Variants in TMEM150A observed in about 807,000 individuals in gnomAD.
The protein encoded by TMEM150A is fasting-inducible integral membrane protein TM6P1.
In TMEM150A, 18 loss-of-function variants were observed where a neutral mutation model predicts 29.8. That is an observed-to-expected ratio of 0.60 (90% CI 0.42 to 0.90). The LOEUF (loss-of-function observed/expected upper bound fraction) is 0.90. Ranked by LOEUF, TMEM150A falls within the 40% of genes least tolerant of loss-of-function variation. The probability of loss-of-function intolerance (pLI) is 0.00; values close to 1 mark genes in which losing one functional copy is unlikely to be tolerated. For synonymous variants in TMEM150A, 127 were observed against 143.6 expected (o/e 0.88, Z 0.83); for missense variants, 251 against 349.7 (o/e 0.72, Z 2.25).
In TMEM150A at chr2:85,600,117, TGA is replaced by T. The variant is rs138351398; in HGVS notation, c.269-101_269-100del. 1,410 of 1,494,300 alleles carry T rather than the reference TGA, an allele frequency of 9.4e-4. 13 individuals carry two copies. The African/African-American group carries it at 0.018, about 19-fold the overall frequency. The allele number at this position is 1,494,300 out of a possible 1,614,324, so 92.6% of individuals were successfully genotyped here. On this transcript the variant is annotated intron_variant, in intron 5 of 7. Transcript: ENST00000334462. ...GACGCTGTGGTGCTCCTGCCCCTTC[TGA>T]GGGGCAGAAAGGAACAGACAGGCGG...
Position 85,601,816 on chromosome 2 carries a change from G to T in TMEM150A, c.65+68C>A. The T allele has an allele frequency of 6.4e-7, 1 of 1,570,384 alleles. No homozygotes were observed. Among genetic ancestry groups the T allele is most frequent in the South Asian group, 1.1e-5 (1 of 89,042 alleles). On this transcript the variant is annotated intron_variant, in intron 2 of 7. Coordinates refer to ENST00000334462, the MANE Select transcript of TMEM150A (RefSeq NM_001031738.3). This position sits in a 1 kb window ranked among gnomAD's most constrained non-coding sequence, Gnocchi z 4.0. ...TGACCCTGGGTACCACCGTGGCTAT[G>T]ACAGGACAAGAGACTTTGTGTGCGT...
chr2:85,600,532 T>G, intron 4 of TMEM150A, 120 bp from the exon 5 acceptor site: 1 of 720,058 alleles, frequency 1.4e-6, no homozygotes, highest in Non-Finnish European at 2.5e-6. Context: ...AGGCCACTGA[T>G]TTATGTGAAG....
Position 85,598,922 on chromosome 2 carries a change from G to T in TMEM150A, c.*154C>A. The stretch of plus-strand genomic sequence containing the variant: ...AGCTGGCAGGGCCCACTCCTCCATG[G>T]CACAGGTGGGCATGGGATGGCCACT... On this transcript the variant is annotated 3_prime_UTR_variant, in exon 8 of 8. Coordinates refer to ENST00000334462, the MANE Select transcript of TMEM150A (RefSeq NM_001031738.3). 1 of 1,131,290 alleles carries T rather than the reference G, an allele frequency of 8.8e-7. No individual in the cohort carries two copies. Among genetic ancestry groups the T allele is most frequent in the Non-Finnish European group, 1.2e-6 (1 of 816,338 alleles). The allele number at this position is 1,131,290 out of a possible 1,614,324, so 70.1% of individuals were successfully genotyped here.
rs1188188473 is a variant in TMEM150A, at chr2:85,600,037, G to C, written c.269-19C>G. ...AGGGCCACTGGGGGAGGAGAGCACA[G>C]TTGAGGCCTTCCTCCAGCCCTGGCC... On this transcript the variant is annotated intron_variant, in intron 5 of 7. Transcript: ENST00000334462. 1 of 1,610,602 alleles carries C rather than the reference G, an allele frequency of 6.2e-7. No homozygotes were observed. The highest frequency in any genetic ancestry group is 1.7e-5 in the Admixed American group (1 of 60,016).
Position 85,601,549 on chromosome 2 carries a change from C to T in TMEM150A, c.66-67G>A. ...CCACTCAACCCACCCCATGACCCTT[C>T]TCTTCAACCTTGATTTCTGGCCCCA... On this transcript the variant is annotated intron_variant, in intron 2 of 7. Coordinates refer to ENST00000334462, the MANE Select transcript of TMEM150A (RefSeq NM_001031738.3). The surrounding 1 kb of genome is among the most constrained non-coding windows in gnomAD (Gnocchi z 4.0). 1.9e-6 allele frequency: 3 copies of T among 1,551,538 alleles called. No homozygotes were observed. Among genetic ancestry groups the T allele is most frequent in the South Asian group, 1.1e-5 (1 of 87,736 alleles).
At position 85,599,033 on chromosome 2, in the gene TMEM150A, G is replaced by T; in HGVS notation, c.*43C>A. ...CGAAATAAATGGAAAGAAGATATGGGGTGGGGTGCTGTGGAGGCCGGGCCA... is the reference window on the plus strand; with the variant it reads ...CGAAATAAATGGAAAGAAGATATGGTGTGGGGTGCTGTGGAGGCCGGGCCA... On this transcript the variant is annotated 3_prime_UTR_variant, in exon 8 of 8. Transcript: ENST00000334462. This position sits in a 1 kb window ranked among gnomAD's most constrained non-coding sequence, Gnocchi z 6.0. 1 of 1,593,936 alleles carries T rather than the reference G, an allele frequency of 6.3e-7. No individual in the cohort carries two copies. Among genetic ancestry groups the T allele is most frequent in the Non-Finnish European group, 8.6e-7 (1 of 1,166,156 alleles).
In TMEM150A at chr2:85,601,985, G is replaced by C. The variant is rs763944852; in HGVS notation, c.-37C>G. On this transcript the variant is annotated 5_prime_UTR_variant, in exon 2 of 8. Transcript: ENST00000334462. This position sits in a 1 kb window ranked among gnomAD's most constrained non-coding sequence, Gnocchi z 4.0. ...GCCAGGGTGGTGGTGGTGTTGGGGG[G>C]AGGACAAGAGGTAGATGGGGAAGTG... is the stretch of plus-strand genomic sequence containing the variant. The C allele has an allele frequency of 6.2e-7, 1 of 1,605,938 alleles. No homozygotes were observed. Among genetic ancestry groups the C allele is most frequent in the South Asian group, 1.1e-5 (1 of 90,854 alleles).
At position 85,599,783 on chromosome 2, in the gene TMEM150A, C is replaced by G. The variant is rs1672825892; in HGVS notation, c.397-81G>C. The G allele has an allele frequency of 3.8e-6, 6 of 1,597,398 alleles. No individual in the cohort carries two copies. The highest frequency in any genetic ancestry group is 2.6e-6 in the Non-Finnish European group (3 of 1,170,960). The stretch of plus-strand genomic sequence containing the variant: ...CTCCTTCAATGAATCTCCTCTCTCC[C>G]TCTTCCTTCCTCTCCCTCTTTCCAG... On this transcript the variant is annotated intron_variant, in intron 6 of 7. Transcript: ENST00000334462. This position sits in a 1 kb window ranked among gnomAD's most constrained non-coding sequence, Gnocchi z 6.0.
chr2:85,602,240 A>C lies in TMEM150A; in HGVS notation c.-116-176T>G. ...CTGGGGGCCTCCGCGGTCAACCCAAATGCCACCGGCGTGCTGAGAGACGCA... is the reference window on the plus strand; with the variant it reads ...CTGGGGGCCTCCGCGGTCAACCCAACTGCCACCGGCGTGCTGAGAGACGCA... On this transcript the variant is annotated intron_variant, in intron 1 of 7. Coordinates refer to ENST00000334462, the MANE Select transcript of TMEM150A (RefSeq NM_001031738.3). The surrounding 1 kb of genome is among the most constrained non-coding windows in gnomAD (Gnocchi z 5.6). 1.2e-5 allele frequency: 4 copies of C among 344,174 alleles called. No individual in the cohort carries two copies. The highest frequency in any genetic ancestry group is 8.7e-4 in the Middle Eastern group (1 of 1,146). 21.3% of individuals were successfully genotyped at this position (344,174 alleles called of 1,614,324 possible). A position where few individuals can be genotyped will look rare whatever the true frequency, so the allele number is the denominator to read the frequency against.
At position 85,600,038 on chromosome 2, in the gene TMEM150A, T is replaced by C. The variant is rs757580058; in HGVS notation, c.269-20A>G. The C allele has an allele frequency of 5.2e-5, 84 of 1,610,386 alleles. No homozygotes were observed. The highest frequency in any genetic ancestry group is 6.9e-5 in the Non-Finnish European group (81 of 1,179,710). On this transcript the variant is annotated intron_variant, in intron 5 of 7. Coordinates refer to ENST00000334462, the MANE Select transcript of TMEM150A (RefSeq NM_001031738.3). The stretch of plus-strand genomic sequence containing the variant: ...GGGCCACTGGGGGAGGAGAGCACAG[T>C]TGAGGCCTTCCTCCAGCCCTGGCCC...
In TMEM150A at chr2:85,602,005, G is replaced by T; in HGVS notation, c.-57C>A. 2.0e-6 allele frequency: 3 copies of T among 1,493,108 alleles called. No individual in the cohort carries two copies. The allele number at this position is 1,493,108 out of a possible 1,614,324, so 92.5% of individuals were successfully genotyped here. A position where few individuals can be genotyped will look rare whatever the true frequency, so the allele number is the denominator to read the frequency against. ...GGGGGGAGGACAAGAGGTAGATGGGGAAGTGGGGGCGGACCAGCTACCTTG... is the reference window on the plus strand; with the variant it reads ...GGGGGGAGGACAAGAGGTAGATGGGTAAGTGGGGGCGGACCAGCTACCTTG... On this transcript the variant is annotated 5_prime_UTR_variant, in exon 2 of 8. Transcript: ENST00000334462. This position sits in a 1 kb window ranked among gnomAD's most constrained non-coding sequence, Gnocchi z 5.6.
Position 85,601,390 on chromosome 2 carries a change from A to G in TMEM150A, c.113+45T>C. The G allele has an allele frequency of 6.2e-7, 1 of 1,611,986 alleles. No individual in the cohort carries two copies. ...GCCTCAGGCCCAAGAGGGGACAGAG[A>G]TGAAGGAAGCTTTAGAGCAAGGTTG... On this transcript the variant is annotated intron_variant, in intron 3 of 7. Transcript: ENST00000334462. The surrounding 1 kb of genome is among the most constrained non-coding windows in gnomAD (Gnocchi z 4.0).
rs765139247 is a variant in TMEM150A, at chr2:85,601,864, G to A, written c.65+20C>T. ...CGTCATCAAGCTCCTGTTGCCCCCCGGGCACCCCCCTTTACTCACACAGTC... is the reference window on the plus strand; with the variant it reads ...CGTCATCAAGCTCCTGTTGCCCCCCAGGCACCCCCCTTTACTCACACAGTC... On this transcript the variant is annotated intron_variant, in intron 2 of 7. Transcript: ENST00000334462. This position sits in a 1 kb window ranked among gnomAD's most constrained non-coding sequence, Gnocchi z 4.0. The A allele has an allele frequency of 4.0e-5, 64 of 1,612,986 alleles. No individual in the cohort carries two copies. In the Admixed American group the frequency reaches 6.2e-4, roughly 16 times the overall value.
In TMEM150A at chr2:85,599,070, C is replaced by G; in HGVS notation, c.*6G>C. ...TGGAGGCCGGGCCAGCCACCCTCCC[C>G]AGACCTTAGATCATAGCGATGCTCT... On this transcript the variant is annotated 3_prime_UTR_variant, in exon 8 of 8. Coordinates refer to ENST00000334462, the MANE Select transcript of TMEM150A (RefSeq NM_001031738.3). This position sits in a 1 kb window ranked among gnomAD's most constrained non-coding sequence, Gnocchi z 6.0. 1 of 1,609,912 alleles carries G rather than the reference C, an allele frequency of 6.2e-7. No individual in the cohort carries two copies. The highest frequency in any genetic ancestry group is 8.5e-7 in the Non-Finnish European group (1 of 1,177,234).
In TMEM150A at chr2:85,598,907, G is replaced by A; in HGVS notation, c.*169C>T. ...TCATGCAGCTGTGGCAGCTGGCAGG[G>A]CCCACTCCTCCATGGCACAGGTGGG... On this transcript the variant is annotated 3_prime_UTR_variant, in exon 8 of 8. Transcript: ENST00000334462. 1 of 997,908 alleles carries A rather than the reference G, an allele frequency of 1.0e-6. No homozygotes were observed. Among genetic ancestry groups the A allele is most frequent in the Middle Eastern group, 3.3e-4 (1 of 3,000 alleles). 61.8% of individuals were successfully genotyped at this position (997,908 alleles called of 1,614,324 possible).
intron 4 of TMEM150A, 53 bp downstream of exon 4, chr2:85,600,961 TTGAGGGG>T: frequency 1.3e-6 from 2 of 1,518,296 alleles, no homozygotes; most frequent in Non-Finnish European, 1.8e-6. Flanking sequence ...AGCTCTTTGC[TTGAGGGG>T]CTGTCTGGGA....
At chr2:85,600,880 C>T in intron 4 of TMEM150A, 141 bp downstream of exon 4, 1 of 710,936 alleles carries the variant, frequency 1.4e-6, no homozygotes, top group Non-Finnish European at 2.3e-6. Context: ...GTGCCTGCCC[C>T]ACAGTAACTG....
In TMEM150A at chr2:85,599,087, C is replaced by T. The variant is rs190809517; in HGVS notation, c.805G>A (p.Ala269Thr). Residue 269 changes from alanine to threonine, a missense_variant, in exon 8 of 8, where the codon GCT (alanine) becomes ACT (threonine). Coordinates refer to ENST00000334462, the MANE Select transcript of TMEM150A (RefSeq NM_001031738.3). The surrounding 1 kb of genome is among the most constrained non-coding windows in gnomAD (Gnocchi z 6.0). The part of the protein sequence containing the change: ...THLNCAPESI[A>T]MI Reference sequence around the variant, plus strand: ...ACCCTCCCCAGACCTTAGATCATAGCGATGCTCTCGGGGGCACAGTTGAGG... The same window carrying T: ...ACCCTCCCCAGACCTTAGATCATAGTGATGCTCTCGGGGGCACAGTTGAGG... 106 of 1,613,400 alleles carry T rather than the reference C, an allele frequency of 6.6e-5. No homozygotes were observed. In the African/African-American group the frequency reaches 7.9e-4, roughly 12 times the overall value.
In TMEM150A at chr2:85,598,968, C is replaced by G. The variant is rs1412411380; in HGVS notation, c.*108G>C. 4.1e-6 allele frequency: 6 copies of G among 1,470,580 alleles called. No individual in the cohort carries two copies. The highest frequency in any genetic ancestry group is 5.4e-6 in the Non-Finnish European group (6 of 1,100,940). 91.1% of individuals were successfully genotyped at this position (1,470,580 alleles called of 1,614,324 possible). On this transcript the variant is annotated 3_prime_UTR_variant, in exon 8 of 8. Transcript: ENST00000334462. ...CCACTTCTCCAGAAGTGAGGAAGCC[C>G]AGATCCCAACAGAATACTTTCTCAA...
Sources: allele counts gnomAD v4.1 joint callset, GRCh38; gene constraint gnomAD v4.1.1; non-coding constraint Gnocchi (gnomAD v3.1); transcripts MANE v1.5; gene names NCBI Gene and HGNC (gene_info 2026-07-23, HGNC 2026-07-21).